ABCA9: variants seen among roughly 807,000 people sequenced by gnomAD.
ABCA9 encodes the protein ATP binding cassette subfamily A member 9, also known as ATP-binding cassette sub-family A member 9.
A neutral mutation model predicts 205.3 loss-of-function variants in ABCA9; 183 were observed. The observed-to-expected ratio is 0.89, with a 90% confidence interval of 0.79 to 1.01. ABCA9 has a LOEUF of 1.01. Ranked by LOEUF, ABCA9 falls within the 50% of genes least tolerant of loss-of-function variation. The pLI is 0.00. For missense variants in ABCA9, 1,805 were observed against 1,912.4 expected (o/e 0.94, Z 1.05); for synonymous variants, 651 against 683.3 (o/e 0.95, Z 0.74).
intron 1 of ABCA9, among the ~76,000 whole-genome samples, chr17:69,060,433 A>G (rs2072205516): frequency 6.6e-6 from 1 of 152,216 alleles, no homozygotes; most frequent in African/African-American, 2.4e-5. Context: ...TTTCTTGATG[A>G]AAATATTCTC....
the ABCA9 span, among the ~76,000 whole-genome samples, chr17:69,068,392 T>A: frequency 2.0e-5 from 3 of 152,180 alleles, no homozygotes; most frequent in African/African-American, 7.2e-5. Flanking sequence ...TTATTGCTAT[T>A]TCTATTTCTA....
chr17:68,997,093 G>C (rs749812247), intron 25 of ABCA9, among the ~76,000 whole-genome samples: 18 of 152,120 alleles, frequency 1.2e-4, no homozygotes, highest in Non-Finnish European at 2.5e-4. Context: ...ATCACGCCCA[G>C]CTAATTTTTG....
At position 68,985,060 on chromosome 17, in the gene ABCA9, T is replaced by C; in HGVS notation, c.4277A>G (p.Lys1426Arg). The C allele has an allele frequency of 6.2e-7, 1 of 1,614,222 alleles. No homozygotes were observed. Among genetic ancestry groups the C allele is most frequent in the South Asian group, 1.1e-5 (1 of 91,088 alleles). ...APVKTLSEGI[K>R]RKLCFVLSIL... Reference sequence around the variant, plus strand: ...AACAAGCCCTGCCCGTACCTTTCGCTTTATTCCCTCTGACAAGGTCTTCAC... The same window carrying C: ...AACAAGCCCTGCCCGTACCTTTCGCCTTATTCCCTCTGACAAGGTCTTCAC... The change falls in exon 33 of 39, where the codon AAG (lysine) becomes AGG (arginine). Residue 1426 changes from lysine (K) to arginine (R), a missense_variant. By Grantham distance (26) the Lys-to-Arg change is conservative. Coordinates refer to ENST00000340001, the MANE Select transcript of ABCA9 (RefSeq NM_080283.4).
intron 37 of ABCA9, among the ~76,000 whole-genome samples, chr17:68,981,685 CA>C (rs2069056794): frequency 6.6e-6 from 1 of 151,752 alleles, no homozygotes; most frequent in South Asian, 2.1e-4. Flanking sequence ...ACTAAAAATA[CA>C]AAAATTAGCT....
rs780272873 is a variant in ABCA9, at chr17:69,027,093, T to C, written c.1933A>G (p.Thr645Ala). Reference protein sequence around the residue: ...DPQVLLLDEPTAGLDPLSRHR... With the variant: ...DPQVLLLDEPAAGLDPLSRHR... ...CTTGAAAGAGGATCCAATCCAGCAGTCGGTTCATCCAATAGCAAAACCTGG... is the reference window on the plus strand; with the variant it reads ...CTTGAAAGAGGATCCAATCCAGCAGCCGGTTCATCCAATAGCAAAACCTGG... Residue 645 changes from threonine (T) to alanine (A), a missense_variant, in exon 15 of 39, where the codon ACT becomes GCT. Coordinates refer to ENST00000340001, the MANE Select transcript of ABCA9 (RefSeq NM_080283.4). 1 of 1,613,960 alleles carries C rather than the reference T, an allele frequency of 6.2e-7. No individual in the cohort carries two copies. Among genetic ancestry groups the C allele is most frequent in the Non-Finnish European group, 8.5e-7 (1 of 1,179,998 alleles).
chr17:69,016,102 GTATATATATA>G (rs369501172), intron 22 of ABCA9, 141 bp downstream of exon 22: 5 of 263,476 alleles, frequency 1.9e-5, no homozygotes, highest in Non-Finnish European at 3.4e-5. Flanking sequence ...ATGTGTGTGT[GTATATATATA>G]TATATATATA....
rs1211213553 is a variant in ABCA9, at chr17:69,035,803, T to C, written c.801-2A>G. ...GCATACATCAAACCCCAGGAAAGCC[T>C]AGCAGAGAAACAAAGCCGTCAGTTA... is the stretch of plus-strand genomic sequence containing the variant. On this transcript the variant is annotated splice_acceptor_variant, in intron 6 of 38. Coordinates refer to ENST00000340001, the MANE Select transcript of ABCA9 (RefSeq NM_080283.4). LOFTEE classifies it high-confidence loss of function. 2 of 1,609,496 alleles carry C rather than the reference T, an allele frequency of 1.2e-6. No individual in the cohort carries two copies. The highest frequency in any genetic ancestry group is 1.7e-6 in the Non-Finnish European group (2 of 1,177,888).
rs533599255 is a variant in ABCA9 at position 69,023,298 on chromosome 17, T to C, written c.2281+916A>G. On this transcript the variant is annotated intron_variant, in intron 17 of 38. Transcript: ENST00000340001. The surrounding 1 kb of genome is among the most constrained non-coding windows in gnomAD (Gnocchi z 4.2). ...GCTTTATTTATATTTAATATTTCAA[T>C]ACATTTGAAGGTATTAAATCATTTA... The C allele has an allele frequency of 6.6e-5, 10 of 152,350 alleles. No homozygotes were observed. In the South Asian group the frequency reaches 1.7e-3, roughly 25 times the overall value. The allele number at this position is 152,350 out of a possible 1,614,324, so 9.4% of individuals were successfully genotyped here. A position where few individuals can be genotyped will look rare whatever the true frequency, so the allele number is the denominator to read the frequency against.
upstream of ABCA9, among the ~76,000 whole-genome samples, chr17:69,062,136 A>C (rs2144564968): frequency 6.6e-6 from 1 of 152,020 alleles, no homozygotes; most frequent in Admixed American, 6.5e-5. Context: ...AGACTGTCAA[A>C]CTTAAAAAAA....
chr17:69,077,820 T>C, the ABCA9 span, among the ~76,000 whole-genome samples: 2 of 152,084 alleles, frequency 1.3e-5, no homozygotes, highest in African/African-American at 4.8e-5. Context: ...TTTTTGGTGA[T>C]ATTCAGAATG....
At chr17:69,076,796 A>T in the ABCA9 span, among the ~76,000 whole-genome samples, 4 of 152,098 alleles carry the variant, frequency 2.6e-5, no homozygotes, top group African/African-American at 9.7e-5. Flanking sequence ...GTTTGTGTGC[A>T]TAGAGGTGTT....
chr17:68,989,289 CA>C, intron 30 of ABCA9, 171 bp from the exon 31 acceptor site: 1 of 521,826 alleles, frequency 1.9e-6, no homozygotes, highest in East Asian at 3.1e-5. Context: ...CACACACACA[CA>C]CACACCCCTG....
upstream of ABCA9, among the ~76,000 whole-genome samples, chr17:69,063,127 T>C (rs1213893054): frequency 1.3e-5 from 2 of 152,212 alleles, no homozygotes; most frequent in Non-Finnish European, 2.9e-5. Context: ...AGACAATCTG[T>C]AGAGTCTATG....
intron 1 of ABCA9, among the ~76,000 whole-genome samples, chr17:69,054,715 T>C (rs555682607): frequency 2.0e-5 from 3 of 152,086 alleles, no homozygotes; most frequent in East Asian, 3.9e-4. Context: ...TAATGCCATA[T>C]ATACAATATA....
In ABCA9 at chr17:69,035,688, G is replaced by A. The variant is rs777687596; in HGVS notation, c.914C>T (p.Thr305Ile). 5.4e-5 allele frequency: 78 copies of A among 1,454,560 alleles called. No individual in the cohort carries two copies. The highest frequency in any genetic ancestry group is 1.8e-4 in the Middle Eastern group (1 of 5,696). 90.1% of individuals were successfully genotyped at this position (1,454,560 alleles called of 1,614,324 possible). A position where few individuals can be genotyped will look rare whatever the true frequency, so the allele number is the denominator to read the frequency against. Residue 305 changes from threonine (T) to isoleucine (I), a missense_variant, in exon 7 of 39, where the codon ACC becomes ATC. Physicochemically the swap from Thr to Ile is moderately conservative, Grantham distance 89. Transcript: ENST00000340001. ...VVLTGFVMVF[T>I]LFLLYGLSLI... ...AGACAGGCCATAGAGGAGAAAGAGG[G>A]TGAAGACCATCACAAAACCAGTCAG...
intron 6 of ABCA9, among the ~76,000 whole-genome samples, chr17:69,036,873 A>AAAAAC (rs1290164075): frequency 1.6e-5 from 1 of 63,992 alleles, no homozygotes; most frequent in Non-Finnish European, 4.1e-5. Context: ...ATGGAAAGCA[A>AAAAAC]AAAAAAAAAA....
chr17:68,986,667 T>C (rs2143990305), intron 31 of ABCA9: 1 of 186,096 alleles, frequency 5.4e-6, no homozygotes, highest in South Asian at 1.9e-4. Flanking sequence ...CCAGTGATAG[T>C]TATAATTATA....
intron 31 of ABCA9, 133 bp from the exon 32 acceptor site, chr17:68,986,457 C>T: frequency 1.1e-6 from 1 of 871,600 alleles, no homozygotes; most frequent in East Asian, 3.1e-5. Context: ...AATCAGTAAT[C>T]ACTTAACTTT....
At position 68,993,085 on chromosome 17, in the gene ABCA9, C is replaced by A. The variant is rs762060929; in HGVS notation, c.3556-1G>T. 6.2e-7 allele frequency: 1 copy of A among 1,612,598 alleles called. No individual in the cohort carries two copies. Among genetic ancestry groups the A allele is most frequent in the South Asian group, 1.1e-5 (1 of 90,996 alleles). On this transcript the variant is annotated splice_acceptor_variant, in intron 26 of 38. Coordinates refer to ENST00000340001, the MANE Select transcript of ABCA9 (RefSeq NM_080283.4). LOFTEE classifies it high-confidence loss of function. ...AGTAATCCATGGAATCAGGAGAAAT[C>A]TGTAAAATGAGCAGTAAGTGTATTC...
Sources: allele counts gnomAD v4.1 joint callset (sites outside exome capture counted in the v4.1 genomes callset), GRCh38; gene constraint gnomAD v4.1.1; non-coding constraint Gnocchi (gnomAD v3.1); transcripts MANE v1.5; gene names NCBI Gene and HGNC (gene_info 2026-07-23, HGNC 2026-07-21).